The following RFC3 variants were observed in gnomAD, a reference collection of about 807,000 sequenced individuals.
The protein encoded by RFC3 is A1 38 kDa subunit.
Under a neutral mutation model 45.1 loss-of-function variants are expected in RFC3, and 41 were observed. The ratio of observed to expected loss-of-function variants is 0.91; its 90% confidence interval spans 0.71 to 1.18. The LOEUF is 1.18. Ranked by LOEUF, RFC3 falls within the 50% of genes most tolerant of loss-of-function variation. The pLI is 0.00. For synonymous variants in RFC3, 149 were observed against 144.0 expected (o/e 1.03, Z -0.25); for missense variants, 423 against 428.1 (o/e 0.99, Z 0.10).
At chr13:33,870,541 T>A (rs1352107069) in intron 8 of RFC3, among the ~76,000 whole-genome samples, 1 of 152,308 alleles carries the variant, frequency 6.6e-6, no homozygotes, top group Non-Finnish European at 1.5e-5. Context: ...TGTTCAACAG[T>A]CTGTCAGGAA....
chr13:33,938,499 T>G (rs1183971978), intron 8 of RFC3, among the ~76,000 whole-genome samples: 1 of 152,096 alleles, frequency 6.6e-6, no homozygotes, highest in Non-Finnish European at 1.5e-5. Context: ...CATTCTGATT[T>G]TTAACACTAT....
intron 8 of RFC3, among the ~76,000 whole-genome samples, chr13:33,907,291 G>A (rs1342953898): frequency 6.6e-6 from 1 of 152,080 alleles, no homozygotes. Flanking sequence ...AAACAATTGA[G>A]TTGCAATCTT....
chr13:33,874,786 A>G (rs1386507112), intron 8 of RFC3, among the ~76,000 whole-genome samples: 1 of 152,196 alleles, frequency 6.6e-6, no homozygotes, highest in Non-Finnish European at 1.5e-5. Flanking sequence ...TTTGCTCCAT[A>G]ATGGAAGTAG....
At chr13:33,925,373 C>CAT (rs371865767) in intron 8 of RFC3, among the ~76,000 whole-genome samples, 2 of 122,816 alleles carry the variant, frequency 1.6e-5, no homozygotes, top group Non-Finnish European at 3.1e-5. Context: ...TATATACATA[C>CAT]ATATAGTGTA....
In RFC3 at chr13:33,837,115, A is replaced by G. The variant is rs2082162274; in HGVS notation, c.*820A>G. ...CGAAGTATAATTTATAAAATAAAAT[A>G]TACCCATTTTAAGGGTACAGTTTGA... On this transcript the variant is annotated 3_prime_UTR_variant, in exon 9 of 9. Transcript: ENST00000380071. The G allele has an allele frequency of 2.3e-6, 2 of 886,238 alleles. No homozygotes were observed. Among genetic ancestry groups the G allele is most frequent in the Non-Finnish European group, 2.7e-6 (2 of 739,808 alleles). 54.9% of individuals were successfully genotyped at this position (886,238 alleles called of 1,614,324 possible). A position where few individuals can be genotyped will look rare whatever the true frequency, so the allele number is the denominator to read the frequency against.
At chr13:33,951,256 A>G (rs1161115238) in intron 8 of RFC3, among the ~76,000 whole-genome samples, 19 of 146,730 alleles carry the variant, frequency 1.3e-4, no homozygotes, top group African/African-American at 4.8e-4. Context: ...TTTTTGAGAC[A>G]GAGTCTCGCT....
intron 8 of RFC3, among the ~76,000 whole-genome samples, chr13:33,927,121 A>T (rs1338658131): frequency 6.6e-6 from 1 of 152,010 alleles, no homozygotes. Flanking sequence ...CCTGGCAAAG[A>T]TCAAAATTGA....
chr13:33,835,046 T>C (rs915160624), intron 7 of RFC3, 102 bp from the exon 8 acceptor site: 13 of 674,542 alleles, frequency 1.9e-5, no homozygotes, highest in Non-Finnish European at 3.1e-5. Flanking sequence ...TAATTCTGTA[T>C]TGGATTGTTT....
chr13:33,836,560 T>C lies in RFC3; in HGVS notation c.*265T>C. 8.7e-7 allele frequency: 1 copy of C among 1,145,442 alleles called. No individual in the cohort carries two copies. Among genetic ancestry groups the C allele is most frequent in the Non-Finnish European group, 1.1e-6 (1 of 927,650 alleles). 71.0% of individuals were successfully genotyped at this position (1,145,442 alleles called of 1,614,324 possible). A position where few individuals can be genotyped will look rare whatever the true frequency, so the allele number is the denominator to read the frequency against. On this transcript the variant is annotated 3_prime_UTR_variant, in exon 9 of 9. Transcript: ENST00000380071. Reference sequence around the variant, plus strand: ...ACTTTAAGCATTGGTTATTCAAGTATTCATTGTTGATCCTCCTATTCTCTT... The same window carrying C: ...ACTTTAAGCATTGGTTATTCAAGTACTCATTGTTGATCCTCCTATTCTCTT...
chr13:33,837,792 T>C (rs1284658208), downstream of RFC3, among the ~76,000 whole-genome samples: 1 of 152,082 alleles, frequency 6.6e-6, no homozygotes, highest in Non-Finnish European at 1.5e-5. Context: ...ATTTAGATAA[T>C]TAACTTTAGA....
chr13:33,930,475 A>G (rs996550083), intron 8 of RFC3, among the ~76,000 whole-genome samples: 4 of 152,188 alleles, frequency 2.6e-5, no homozygotes, highest in South Asian at 2.1e-4. Flanking sequence ...GCTCTCTCCA[A>G]CTTCTTCTGC....
chr13:33,933,338 C>T (rs2082864424), intron 8 of RFC3, among the ~76,000 whole-genome samples: 1 of 152,038 alleles, frequency 6.6e-6, no homozygotes, highest in Non-Finnish European at 1.5e-5. Context: ...GGAATGAGCT[C>T]CTATTGTGTT....
chr13:33,909,795 G>T (rs962912356), intron 8 of RFC3, among the ~76,000 whole-genome samples: 1 of 151,932 alleles, frequency 6.6e-6, no homozygotes, highest in Non-Finnish European at 1.5e-5. Context: ...TGCCCCTTTG[G>T]GTGACACTTG....
At position 33,821,117 on chromosome 13, in the gene RFC3, G is replaced by A. The variant is rs1195426174; in HGVS notation, c.88-15G>A. 7 of 1,612,722 alleles carry A rather than the reference G, an allele frequency of 4.3e-6. No individual in the cohort carries two copies. The highest frequency in any genetic ancestry group is 1.1e-5 in the South Asian group (1 of 91,018). On this transcript the variant is annotated splice_polypyrimidine_tract_variant and intron_variant, in intron 1 of 8. Coordinates refer to ENST00000380071, the MANE Select transcript of RFC3 (RefSeq NM_002915.4). ...CAGTTTGACTAGGGAAAAATGCCTT[G>A]TTCTTTTTTTTCAGGTGCAGTGTGG...
At chr13:33,823,787 A>G (rs986650800) in intron 2 of RFC3, 130 bp from the exon 3 acceptor site, 4 of 527,234 alleles carry the variant, frequency 7.6e-6, no homozygotes, top group Non-Finnish European at 1.4e-5. Flanking sequence ...GGGATTAACA[A>G]AGTTAAAACA....
At chr13:33,972,376 T>G in the RFC3 span, among the ~76,000 whole-genome samples, 99 of 152,330 alleles carry the variant, frequency 6.5e-4, 1 homozygote, top group East Asian at 0.016. Flanking sequence ...GAAATCCAAC[T>G]GTCTTCAGTG....
chr13:33,852,999 G>T (rs2082285804), intron 8 of RFC3, among the ~76,000 whole-genome samples: 1 of 152,154 alleles, frequency 6.6e-6, no homozygotes, highest in Non-Finnish European at 1.5e-5. Flanking sequence ...GTGGTCAGAA[G>T]AATATTTGCC....
In RFC3 at chr13:33,903,191, C is replaced by G. The variant is rs1323938480; in HGVS notation, c.880-62896C>G. ...TGCTCAGCCTACTACAGAGAAAGTT[C>G]TCTGTCACTTTCTCAGGTCTAGGCA... On this transcript the variant is annotated intron_variant, in intron 8 of 8. Transcript: ENST00000434425. Among the ~76,000 whole-genome samples, 3 of 152,178 alleles carry G rather than the reference C, an allele frequency of 2.0e-5. 1 individual carries two copies. The highest frequency in any genetic ancestry group is 2.0e-4 in the Admixed American group (3 of 15,272).
At chr13:33,885,702 C>T (rs981607630) in intron 8 of RFC3, among the ~76,000 whole-genome samples, 7 of 152,126 alleles carry the variant, frequency 4.6e-5, no homozygotes, top group African/African-American at 1.4e-4. Flanking sequence ...AAATTATTAA[C>T]ACTCAAGTGC....
Sources: allele counts gnomAD v4.1 joint callset (sites outside exome capture counted in the v4.1 genomes callset), GRCh38; gene constraint gnomAD v4.1.1; transcripts MANE v1.5; gene names NCBI Gene and HGNC (gene_info 2026-07-23, HGNC 2026-07-21).